MALT1: variants seen among roughly 807,000 people sequenced by gnomAD.
MALT1 encodes the protein MALT1 paracaspase.
In MALT1, 36 loss-of-function variants were observed where a neutral mutation model predicts 85.5. That is an observed-to-expected ratio of 0.42 (90% CI 0.32 to 0.56). MALT1 has a LOEUF of 0.56. Ranked by LOEUF, MALT1 falls within the 20% of genes least tolerant of loss-of-function variation. The pLI is 0.10. For missense variants in MALT1, 716 were observed against 981.6 expected (o/e 0.73, Z 3.62); for synonymous variants, 359 against 361.3 (o/e 0.99, Z 0.07).
chr18:58,709,718 A>G (rs185546440), intron 5 of MALT1, among the ~76,000 whole-genome samples, 162 bp downstream of exon 5: 2 of 152,344 alleles, frequency 1.3e-5, no homozygotes, highest in East Asian at 3.8e-4. Context: ...ACTAGCTCTT[A>G]TATTTGCTAA....
At chr18:58,690,738 G>A (rs917425806) in intron 2 of MALT1, 3 of 202,906 alleles carry the variant, frequency 1.5e-5, no homozygotes, top group African/African-American at 4.7e-5. Context: ...CAGCGTTGCC[G>A]CCTTCTCAGG....
chr18:58,734,098 T>G, intron 11 of MALT1: 1 of 1,336,282 alleles, frequency 7.5e-7, no homozygotes, highest in South Asian at 2.1e-5. Flanking sequence ...AATGCCAGAG[T>G]TCAAATGCAA....
At chr18:58,683,119 C>T (rs2054346841) in intron 2 of MALT1, among the ~76,000 whole-genome samples, 1 of 152,104 alleles carries the variant, frequency 6.6e-6, no homozygotes, top group South Asian at 2.1e-4. Flanking sequence ...AAGTAGCACC[C>T]AAGAGTTGTG....
chr18:58,739,776 CCTT>C (rs373158903), intron 13 of MALT1, among the ~76,000 whole-genome samples: 64 of 150,446 alleles, frequency 4.3e-4, no homozygotes, highest in African/African-American at 1.5e-3. Flanking sequence ...TAAGTCAGTC[CCTT>C]CTTCTCACTG....
chr18:58,733,608 G>T (rs746322655), intron 11 of MALT1, 34 bp downstream of exon 11: 1 of 1,471,182 alleles, frequency 6.8e-7, no homozygotes, highest in Non-Finnish European at 9.3e-7. Flanking sequence ...AGAATTGTTG[G>T]AGTTAAATAT....
At chr18:58,711,971 T>C (rs532866383) in intron 7 of MALT1, among the ~76,000 whole-genome samples, 1 of 152,300 alleles carries the variant, frequency 6.6e-6, no homozygotes, top group South Asian at 2.1e-4. Flanking sequence ...CCTAATTGCA[T>C]GGTTTTTAAG....
chr18:58,747,277 G>T, intron 16 of MALT1, 128 bp from the exon 17 acceptor site: 1 of 642,462 alleles, frequency 1.6e-6, no homozygotes, highest in East Asian at 2.6e-5. Context: ...GATGCCTTGA[G>T]GATTTGGAAC....
chr18:58,675,610 T>C (rs900097594), intron 1 of MALT1, among the ~76,000 whole-genome samples: 3 of 152,242 alleles, frequency 2.0e-5, no homozygotes, highest in Admixed American at 6.5e-5. Flanking sequence ...TTATGAATAA[T>C]TAATATGGAC....
At chr18:58,690,001 A>AT (rs2054472680) in intron 2 of MALT1, among the ~76,000 whole-genome samples, 1 of 152,100 alleles carries the variant, frequency 6.6e-6, no homozygotes, top group African/African-American at 2.4e-5. Context: ...AGGAATCTGG[A>AT]TTTTTTATTC....
intron 2 of MALT1, among the ~76,000 whole-genome samples, chr18:58,695,331 G>A (rs938096981): frequency 6.6e-6 from 1 of 152,208 alleles, no homozygotes; most frequent in African/African-American, 2.4e-5. Flanking sequence ...CCTGGGGCGA[G>A]TGAGTGAGAG....
intron 4 of MALT1, among the ~76,000 whole-genome samples, chr18:58,707,525 G>A (rs956333937): frequency 2.6e-5 from 4 of 151,834 alleles, no homozygotes; most frequent in East Asian, 1.9e-4. Context: ...TGCTGCACCC[G>A]TTAACCTGTC....
intron 6 of MALT1, 57 bp downstream of exon 6, chr18:58,710,129 C>T: frequency 9.7e-7 from 1 of 1,034,756 alleles, no homozygotes; most frequent in East Asian, 2.4e-5. Flanking sequence ...GCTATATAAA[C>T]TGCAACGTTT....
At chr18:58,711,588 T>G (rs1373122623) in intron 7 of MALT1, among the ~76,000 whole-genome samples, 1 of 152,210 alleles carries the variant, frequency 6.6e-6, no homozygotes, top group Admixed American at 6.5e-5. Flanking sequence ...AGCATTGTAC[T>G]TAAATTGTAA....
rs200064182 is a variant in MALT1, at chr18:58,737,304, A to AC, written c.1603+1981dup. On this transcript the variant is annotated intron_variant, in intron 13 of 16. Transcript: ENST00000649217. ...AGACCAACCTAGGCAACATTGTCAGACCCCCCATCTCTATAAAAATTTAAA... is the reference window on the plus strand; with the variant it reads ...AGACCAACCTAGGCAACATTGTCAGACCCCCCCATCTCTATAAAAATTTAAA... Among the ~76,000 whole-genome samples, 595 of 151,634 alleles carry AC rather than the reference A, an allele frequency of 3.9e-3. 2 individuals carry two copies. The highest frequency in any genetic ancestry group is 0.013 in the African/African-American group (549 of 41,322).
chr18:58,707,386 A>C (rs927398440), intron 4 of MALT1, among the ~76,000 whole-genome samples: 1 of 150,214 alleles, frequency 6.7e-6, no homozygotes, highest in Non-Finnish European at 1.5e-5. Flanking sequence ...ACAAGTAAAC[A>C]TGGTTTATTT....
chr18:58,741,858 C>CTTTTACCCATAT lies in MALT1; in HGVS notation c.1604-2_1604-1insCCCATATTTTTA, dbSNP rs2055305585. 3 of 1,460,850 alleles carry CTTTTACCCATAT rather than the reference C, an allele frequency of 2.1e-6. No homozygotes were observed. Among genetic ancestry groups the CTTTTACCCATAT allele is most frequent in the Middle Eastern group, 1.8e-4 (1 of 5,446 alleles). The allele number at this position is 1,460,850 out of a possible 1,614,324, so 90.5% of individuals were successfully genotyped here. On this transcript the variant is annotated splice_polypyrimidine_tract_variant and splice_region_variant and intron_variant, in intron 13 of 16. Coordinates refer to ENST00000649217, the MANE Select transcript of MALT1 (RefSeq NM_006785.4). ...TTAAAAATAATATTTATTTTCATAT[C>CTTTTACCCATAT]TTTTAGATATGGGTAAGTGTCACCT...
At chr18:58,723,391 A>G in intron 10 of MALT1, 140 bp downstream of exon 10, 1 of 569,190 alleles carries the variant, frequency 1.8e-6, no homozygotes, top group Non-Finnish European at 3.0e-6. Context: ...TATTAAGATG[A>G]TACATTTGAT....
At position 58,749,057 on chromosome 18, in the gene MALT1, A is replaced by G. The variant is rs1478776483; in HGVS notation, c.*1215A>G. The G allele has an allele frequency of 9.3e-6, 2 of 214,140 alleles. No homozygotes were observed. Among genetic ancestry groups the G allele is most frequent in the South Asian group, 1.9e-4 (1 of 5,362 alleles). The allele number at this position is 214,140 out of a possible 1,614,324, so 13.3% of individuals were successfully genotyped here. A position where few individuals can be genotyped will look rare whatever the true frequency, so the allele number is the denominator to read the frequency against. ...TCCAGCAACCTATAAAAAGGATTCT[A>G]TATCATGACCAAGTGGAATTTATCC... On this transcript the variant is annotated 3_prime_UTR_variant, in exon 17 of 17. Coordinates refer to ENST00000649217, the MANE Select transcript of MALT1 (RefSeq NM_006785.4).
intron 1 of MALT1, among the ~76,000 whole-genome samples, chr18:58,678,862 G>A (rs1315195662): frequency 1.3e-5 from 2 of 152,226 alleles, no homozygotes; most frequent in African/African-American, 4.8e-5. Context: ...GTGGACTGGT[G>A]TGGTCTAGGA....
Sources: allele counts gnomAD v4.1 joint callset (sites outside exome capture counted in the v4.1 genomes callset), GRCh38; gene constraint gnomAD v4.1.1; transcripts MANE v1.5; gene names NCBI Gene and HGNC (gene_info 2026-07-23, HGNC 2026-07-21).